DIP2C: variants seen among roughly 807,000 people sequenced by gnomAD.
The protein encoded by DIP2C is DIP2 acetate--CoA ligase C (putative).
Under a neutral mutation model 192.4 loss-of-function variants are expected in DIP2C, and 33 were observed. That is an observed-to-expected ratio of 0.17 (90% confidence interval 0.13 to 0.23). DIP2C has a LOEUF of 0.23. DIP2C is among the 10% of genes least tolerant of loss of function. The pLI is 1.00. For synonymous variants in DIP2C, 979 were observed against 864.1 expected (o/e 1.13, Z -2.33); for missense variants, 1,537 against 2,110.1 (o/e 0.73, Z 5.32).
At position 390,793 on chromosome 10, in the gene DIP2C, G is replaced by A. The variant is rs1471435839; in HGVS notation, c.1331C>T (p.Ala444Val). ...CGVTVALTSD[A>V]CHKGLPKSPT... ...GCTTTTTGGAAGTCCTTTATGGCAG[G>A]CGTCACTAGTCAAGGCTACAGTAAC... is the stretch of plus-strand genomic sequence containing the variant. The change falls in exon 11 of 37, where the codon GCC becomes GTC. Residue 444 changes from alanine (A) to valine (V), a missense_variant. Ala to Val is a moderately conservative substitution (Grantham distance 64). Coordinates refer to ENST00000280886, the MANE Select transcript of DIP2C (RefSeq NM_014974.3). The A allele has an allele frequency of 6.2e-7, 1 of 1,613,982 alleles. No homozygotes were observed. Among genetic ancestry groups the A allele is most frequent in the Non-Finnish European group, 8.5e-7 (1 of 1,180,018 alleles).
intron 17 of DIP2C, among the ~76,000 whole-genome samples, chr10:374,087 G>A (rs1178271526): frequency 6.6e-6 from 1 of 152,192 alleles, no homozygotes; most frequent in East Asian, 1.9e-4. Context: ...CATATCTGCA[G>A]ATCTTTCCAT....
At chr10:448,112 C>A (rs1219185723) in intron 3 of DIP2C, among the ~76,000 whole-genome samples, 1 of 128,612 alleles carries the variant, frequency 7.8e-6, no homozygotes, top group Non-Finnish European at 1.5e-5. Context: ...GCAGGACCCA[C>A]TCATCCCCAT....
intron 4 of DIP2C, among the ~76,000 whole-genome samples, chr10:424,933 G>T (rs117024618): frequency 1.3e-5 from 2 of 152,042 alleles, no homozygotes; most frequent in Non-Finnish European, 2.9e-5. Flanking sequence ...CATAACCAAC[G>T]GTGACTAATA....
rs577324743 is a variant in DIP2C at position 426,238 on chromosome 10, A to G, written c.395-3205T>C. ...AGAATAAAGTTAAGAAAATAGTTCC[A>G]TTCACAGTAACATCAAAAACATAAA... On this transcript the variant is annotated intron_variant, in intron 4 of 36. Transcript: ENST00000280886. 3.9e-5 allele frequency among the ~76,000 whole-genome samples: 6 copies of G among 152,362 alleles called. No individual in the cohort carries two copies. The South Asian group carries it at 8.3e-4, about 21-fold the overall frequency.
At chr10:598,642 A>G (rs1173664125) in intron 1 of DIP2C, among the ~76,000 whole-genome samples, 1 of 152,142 alleles carries the variant, frequency 6.6e-6, no homozygotes, top group Non-Finnish European at 1.5e-5. Context: ...CCCTTGATGA[A>G]GTCATTCATT....
chr10:479,964 A>T (rs531543251), intron 2 of DIP2C, among the ~76,000 whole-genome samples: 3 of 140,896 alleles, frequency 2.1e-5, no homozygotes, highest in Non-Finnish European at 4.5e-5. Context: ...GCCCCGGTCC[A>T]TGCTCACTGG....
At chr10:440,700 T>C in intron 4 of DIP2C, among the ~76,000 whole-genome samples, 171 bp downstream of exon 4, 1 of 152,248 alleles carries the variant, frequency 6.6e-6, no homozygotes, top group East Asian at 1.9e-4. Flanking sequence ...ATAATAATGT[T>C]ACTTTTCCTT....
At chr10:566,565 C>T (rs1483286489) in intron 1 of DIP2C, among the ~76,000 whole-genome samples, 3 of 152,254 alleles carry the variant, frequency 2.0e-5, no homozygotes, top group African/African-American at 7.2e-5. Flanking sequence ...GCTGAGGAGA[C>T]AGGTGTCAGC....
At chr10:350,742 A>C (rs1400298240) in intron 24 of DIP2C, among the ~76,000 whole-genome samples, 2 of 148,380 alleles carry the variant, frequency 1.3e-5, no homozygotes, top group Non-Finnish European at 3.0e-5. Flanking sequence ...GGATTCAAGC[A>C]ATTCTCCCGT....
intron 32 of DIP2C, among the ~76,000 whole-genome samples, chr10:290,041 G>A (rs1045237440): frequency 6.6e-5 from 10 of 152,342 alleles, no homozygotes; most frequent in African/African-American, 1.7e-4. Flanking sequence ...CCTCTGTGGC[G>A]GAAACAGGGA....
chr10:313,926 A>G (rs1956665389), intron 31 of DIP2C, among the ~76,000 whole-genome samples: 1 of 152,232 alleles, frequency 6.6e-6, no homozygotes, highest in South Asian at 2.1e-4. Context: ...TTCACACACC[A>G]TAATATTAGC....
At chr10:638,084 C>T (rs955150891) in intron 1 of DIP2C, among the ~76,000 whole-genome samples, 1 of 152,144 alleles carries the variant, frequency 6.6e-6, no homozygotes, top group Non-Finnish European at 1.5e-5. Context: ...CAGGTGTGTG[C>T]CTCGGGCAAT....
intron 1 of DIP2C, among the ~76,000 whole-genome samples, chr10:534,463 C>G (rs1564826256): frequency 6.6e-6 from 1 of 152,052 alleles, no homozygotes; most frequent in Non-Finnish European, 1.5e-5. Flanking sequence ...TTGTCAGGTC[C>G]CTGTTAGAAA....
rs746620221 is a variant in DIP2C at position 277,384 on chromosome 10, G to C, written c.4612C>G (p.Leu1538Val). The C allele has an allele frequency of 6.2e-7, 1 of 1,614,204 alleles. No homozygotes were observed. The highest frequency in any genetic ancestry group is 8.5e-7 in the Non-Finnish European group (1 of 1,180,050). The change falls in exon 37 of 37, where the codon CTG (leucine) becomes GTG (valine). Residue 1538 changes from leucine (L) to valine (V), a missense_variant. Leu to Val is a conservative substitution (Grantham distance 32). This residue lies in a region of DIP2C where 341 missense variants were observed against 551.7 expected (regional missense o/e 0.62). Coordinates refer to ENST00000280886, the MANE Select transcript of DIP2C (RefSeq NM_014974.3). ...NSRGEKQRMH[L>V]RDGFLADQLD... is the part of the protein sequence containing the mutation. ...TGGTCTGCCAAAAACCCGTCTCGCA[G>C]GTGCATGCGCTGCTTCTCCCCACGG...
intron 1 of DIP2C, among the ~76,000 whole-genome samples, chr10:620,501 C>A (rs1039762496): frequency 3.9e-5 from 6 of 152,160 alleles, no homozygotes; most frequent in African/African-American, 1.4e-4. Flanking sequence ...TGGGCTATGG[C>A]ACCGTCGTAC....
chr10:548,203 G>GCCCCCCCCC (rs1259544852), intron 1 of DIP2C, among the ~76,000 whole-genome samples: 131 of 50,656 alleles, frequency 2.6e-3, no homozygotes, highest in Middle Eastern at 0.024. Flanking sequence ...ACACGAGTCT[G>GCCCCCCCCC]CCCCACCCCC....
At chr10:290,886 C>G (rs1461719829) in intron 32 of DIP2C, among the ~76,000 whole-genome samples, 3 of 152,202 alleles carry the variant, frequency 2.0e-5, no homozygotes, top group Non-Finnish European at 4.4e-5. Context: ...TGTCGCTGGC[C>G]GGAATCAGAT....
intron 31 of DIP2C, among the ~76,000 whole-genome samples, chr10:314,849 C>G (rs879413139): frequency 5.9e-5 from 9 of 152,184 alleles, no homozygotes; most frequent in Non-Finnish European, 8.8e-5. Flanking sequence ...GGCCTCATGT[C>G]TTATACTACT....
chr10:553,318 C>G (rs554549575), intron 1 of DIP2C, among the ~76,000 whole-genome samples: 179 of 152,296 alleles, frequency 1.2e-3, no homozygotes, highest in Middle Eastern at 3.4e-3. Context: ...AGCAGGGCTG[C>G]GTGTGTGGCG....
Sources: gnomAD v4.1 joint callset for allele counts (sites outside exome capture counted in the v4.1 genomes callset) on GRCh38, gnomAD v4.1.1 for gene constraint, gnomAD v4.1.1 regional missense constraint, MANE v1.5 for transcripts, NCBI Gene and HGNC (gene_info 2026-07-23, HGNC 2026-07-21) for gene names.